The following MAN1A2 variants were observed in gnomAD, a reference collection of about 807,000 sequenced individuals.
MAN1A2 encodes mannosyl-oligosaccharide 1,2-alpha-mannosidase IB.
A neutral mutation model predicts 75.7 loss-of-function variants in MAN1A2; 26 were observed. That is an observed-to-expected ratio of 0.34 (90% CI 0.25 to 0.48). The LOEUF is 0.48. Among genes scored for constraint, MAN1A2 ranks in the 20% least tolerant of loss-of-function variants. The probability of loss-of-function intolerance (pLI) is 0.99; values close to 1 mark genes in which losing one functional copy is unlikely to be tolerated. For missense variants in MAN1A2, 562 were observed against 775.5 expected (o/e 0.72, Z 3.27); for synonymous variants, 247 against 264.6 (o/e 0.93, Z 0.65).
intron 6 of MAN1A2, among the ~76,000 whole-genome samples, chr1:117,447,886 G>A (rs1649288874): frequency 6.6e-6 from 1 of 152,156 alleles, no homozygotes; most frequent in Non-Finnish European, 1.5e-5. Context: ...TTTTTGCTTA[G>A]GAATGTCCTG....
At chr1:117,509,788 G>GT (rs1651473808) in intron 12 of MAN1A2, among the ~76,000 whole-genome samples, 1 of 145,324 alleles carries the variant, frequency 6.9e-6, no homozygotes, top group Admixed American at 7.0e-5. Flanking sequence ...TGCAAAACGA[G>GT]TTAAATAGTG....
At chr1:117,500,895 T>C (rs1024339533) in intron 11 of MAN1A2, among the ~76,000 whole-genome samples, 4 of 151,828 alleles carry the variant, frequency 2.6e-5, no homozygotes, top group East Asian at 1.9e-4. Context: ...TTAAGCACTC[T>C]TTCATGTAAG....
At chr1:117,461,453 C>T (rs891796497) in intron 7 of MAN1A2, among the ~76,000 whole-genome samples, 1 of 152,030 alleles carries the variant, frequency 6.6e-6, no homozygotes, top group African/African-American at 2.4e-5. Context: ...TACAAAAGTA[C>T]AGTTACATAG....
chr1:117,465,412 G>T (rs1330468847), intron 7 of MAN1A2, among the ~76,000 whole-genome samples: 1 of 152,144 alleles, frequency 6.6e-6, no homozygotes, highest in East Asian at 1.9e-4. Flanking sequence ...AAATGTGAAA[G>T]AACACAGGTA....
intron 6 of MAN1A2, among the ~76,000 whole-genome samples, chr1:117,443,828 T>C (rs567088145): frequency 6.6e-6 from 1 of 152,268 alleles, no homozygotes; most frequent in South Asian, 2.1e-4. Context: ...TAGGCGGATC[T>C]CGAATTCCTA....
chr1:117,413,410 AAAAG>A (rs1489764262), intron 3 of MAN1A2, among the ~76,000 whole-genome samples: 6 of 152,082 alleles, frequency 3.9e-5, no homozygotes, highest in Non-Finnish European at 8.8e-5. Flanking sequence ...GAGGAATGGA[AAAAG>A]AAAGAAAAGA....
intron 6 of MAN1A2, among the ~76,000 whole-genome samples, chr1:117,448,859 CT>C (rs1367067400): frequency 1.3e-5 from 2 of 152,020 alleles, no homozygotes; most frequent in African/African-American, 4.8e-5. Flanking sequence ...TGCAGATATT[CT>C]TTTTTTCCTT....
intron 1 of MAN1A2, among the ~76,000 whole-genome samples, chr1:117,388,657 C>T (rs1653619497): frequency 1.3e-5 from 2 of 152,116 alleles, no homozygotes; most frequent in African/African-American, 4.8e-5. Context: ...GGATCCATCT[C>T]ATGACCCAAA....
chr1:117,391,021 C>T (rs1653702271), intron 1 of MAN1A2, among the ~76,000 whole-genome samples: 1 of 152,054 alleles, frequency 6.6e-6, no homozygotes, highest in South Asian at 2.1e-4. Flanking sequence ...CAATGATCAC[C>T]AGTCATCTAG....
At chr1:117,442,894 G>A (rs770586667) in intron 6 of MAN1A2, among the ~76,000 whole-genome samples, 2 of 152,022 alleles carry the variant, frequency 1.3e-5, no homozygotes, top group African/African-American at 2.4e-5. Flanking sequence ...TTTTCTAATC[G>A]AAAACATTGG....
intron 8 of MAN1A2, among the ~76,000 whole-genome samples, chr1:117,469,001 T>C (rs1650058829): frequency 6.6e-6 from 1 of 152,140 alleles, no homozygotes; most frequent in South Asian, 2.1e-4. Context: ...AGTATAAGGA[T>C]ACTCAGAAAA....
intron 1 of MAN1A2, among the ~76,000 whole-genome samples, chr1:117,370,018 A>G (rs1652906037): frequency 6.6e-6 from 1 of 152,214 alleles, no homozygotes; most frequent in East Asian, 1.9e-4. Flanking sequence ...AAATAATATG[A>G]CCACATTTTA....
At chr1:117,406,919 A>C (rs562110231) in intron 3 of MAN1A2, among the ~76,000 whole-genome samples, 6 of 152,210 alleles carry the variant, frequency 3.9e-5, no homozygotes, top group African/African-American at 7.2e-5. Context: ...TAAAAATTGG[A>C]TGTCAATTTT....
chr1:117,491,194 A>G (rs1042257445), intron 8 of MAN1A2, among the ~76,000 whole-genome samples: 7 of 152,076 alleles, frequency 4.6e-5, no homozygotes, highest in African/African-American at 1.7e-4. Flanking sequence ...ACAGGTTTCT[A>G]CTGGAAGAAG....
chr1:117,487,997 A>G (rs1348655057), intron 8 of MAN1A2, among the ~76,000 whole-genome samples: 3 of 152,068 alleles, frequency 2.0e-5, no homozygotes. Flanking sequence ...TGAGTATGGA[A>G]AGCTATTCAA....
chr1:117,421,233 G>A (rs776027258), intron 5 of MAN1A2, among the ~76,000 whole-genome samples: 2 of 151,990 alleles, frequency 1.3e-5, no homozygotes, highest in Non-Finnish European at 2.9e-5. Context: ...AGAAACTAAA[G>A]GAAGAGGTTA....
At chr1:117,383,313 T>C (rs969540522) in intron 1 of MAN1A2, among the ~76,000 whole-genome samples, 4 of 152,224 alleles carry the variant, frequency 2.6e-5, no homozygotes, top group African/African-American at 9.6e-5. Flanking sequence ...TGGGATAAAG[T>C]CTACCTGCCT....
chr1:117,460,038 T>C (rs1440191382), intron 6 of MAN1A2, among the ~76,000 whole-genome samples: 3 of 150,886 alleles, frequency 2.0e-5, no homozygotes, highest in Non-Finnish European at 4.4e-5. Flanking sequence ...TTGAGAATCA[T>C]TAATATTATG....
rs148179150 is a variant in MAN1A2, at chr1:117,506,491, A to G, written c.1793+3521A>G. Among the ~76,000 whole-genome samples, 108 of 151,692 alleles carry G rather than the reference A, an allele frequency of 7.1e-4. 1 individual carries two copies. The highest frequency in any genetic ancestry group is 2.6e-3 in the African/African-American group (107 of 41,490). Reference sequence around the variant, plus strand: ...GACCTTACTTCATGGATTAATATTTATCTAGCATATATACTGATGGCATAA... The same window carrying G: ...GACCTTACTTCATGGATTAATATTTGTCTAGCATATATACTGATGGCATAA... On this transcript the variant is annotated intron_variant, in intron 12 of 12. Coordinates refer to ENST00000356554, the MANE Select transcript of MAN1A2 (RefSeq NM_006699.5).
Sources: gnomAD v4.1 joint callset for allele counts (sites outside exome capture counted in the v4.1 genomes callset) on GRCh38, gnomAD v4.1.1 for gene constraint, MANE v1.5 for transcripts, NCBI Gene and HGNC (gene_info 2026-07-23, HGNC 2026-07-21) for gene names.